The following BCKDHB variants were observed in gnomAD, a reference collection of about 807,000 sequenced individuals.
BCKDHB encodes branched chain keto acid dehydrogenase E1 subunit beta.
A neutral mutation model predicts 48.5 loss-of-function variants in BCKDHB; 41 were observed. The observed-to-expected ratio is 0.85, with a 90% CI of 0.66 to 1.10. BCKDHB has a LOEUF of 1.10. Ranked by LOEUF, BCKDHB falls within the 50% of genes least tolerant of loss-of-function variation. The probability of loss-of-function intolerance (pLI) is 0.00; values close to 1 mark genes in which losing one functional copy is unlikely to be tolerated. For synonymous variants in BCKDHB, 201 were observed against 174.8 expected, an observed-to-expected ratio of 1.15 and a Z score of -1.18; for missense variants, 496 against 494.2, an observed-to-expected ratio of 1.00 and a Z score of -0.03.
chr6:80,287,212 A>G (rs188815748), intron 9 of BCKDHB, among the ~76,000 whole-genome samples: 112 of 152,328 alleles, frequency 7.4e-4, no homozygotes, highest in African/African-American at 2.6e-3. Context: ...AATGATGACC[A>G]TATACTTTGT....
At chr6:80,255,980 A>C (rs1420210920) in intron 8 of BCKDHB, among the ~76,000 whole-genome samples, 3 of 152,172 alleles carry the variant, frequency 2.0e-5, no homozygotes, top group African/African-American at 7.2e-5. Context: ...TTGTGCCCTG[A>C]GGCTATTTAC....
At chr6:80,162,593 G>A (rs1415441853) in intron 3 of BCKDHB, among the ~76,000 whole-genome samples, 1 of 152,172 alleles carries the variant, frequency 6.6e-6, no homozygotes, top group Admixed American at 6.5e-5. Flanking sequence ...GCTCACGCCT[G>A]TAATCCCAGC....
intron 8 of BCKDHB, among the ~76,000 whole-genome samples, chr6:80,265,484 A>G (rs1777474771): frequency 1.3e-5 from 2 of 152,128 alleles, no homozygotes; most frequent in African/African-American, 4.8e-5. Context: ...CATTTATATA[A>G]GGTTCCTAAA....
At chr6:80,188,937 T>A (rs1773771333) in intron 6 of BCKDHB, among the ~76,000 whole-genome samples, 1 of 152,184 alleles carries the variant, frequency 6.6e-6, no homozygotes, top group Admixed American at 6.5e-5. Context: ...GCCACTGTGG[T>A]ACATTTTTAG....
the BCKDHB span, among the ~76,000 whole-genome samples, chr6:80,418,616 C>G: frequency 2.6e-5 from 4 of 152,312 alleles, no homozygotes; most frequent in Non-Finnish European, 4.4e-5. Context: ...TGTATTGGGC[C>G]CTGCCTTTCT....
chr6:80,180,711 A>G (rs533871324), intron 6 of BCKDHB, among the ~76,000 whole-genome samples: 1 of 152,334 alleles, frequency 6.6e-6, no homozygotes, highest in South Asian at 2.1e-4. Context: ...TATATTTTGA[A>G]GAGACGAACA....
the BCKDHB span, among the ~76,000 whole-genome samples, chr6:80,437,908 A>G: frequency 6.6e-6 from 1 of 152,222 alleles, no homozygotes; most frequent in Non-Finnish European, 1.5e-5. Context: ...GTACGTTCCA[A>G]TCTATGCTGC....
the BCKDHB span, among the ~76,000 whole-genome samples, chr6:80,406,865 A>T: frequency 2.0e-4 from 31 of 152,114 alleles, no homozygotes; most frequent in South Asian, 5.8e-3. Flanking sequence ...GTTTAATTAG[A>T]TCCCATTTGT....
At chr6:80,324,520 G>A (rs1768929759) in intron 9 of BCKDHB, among the ~76,000 whole-genome samples, 1 of 147,288 alleles carries the variant, frequency 6.8e-6, no homozygotes, top group African/African-American at 2.6e-5. Flanking sequence ...CAACATACCT[G>A]AGAAAGAACA....
the BCKDHB span, among the ~76,000 whole-genome samples, chr6:80,404,224 T>C: frequency 5.9e-5 from 9 of 151,978 alleles, no homozygotes; most frequent in Admixed American, 5.9e-4. Context: ...CAAAGGGAAT[T>C]TTTTTTAAAA....
the BCKDHB span, among the ~76,000 whole-genome samples, chr6:80,364,119 TTTC>T: frequency 1.3e-5 from 2 of 152,376 alleles, no homozygotes; most frequent in East Asian, 1.9e-4. Flanking sequence ...CCTGCCTGTT[TTTC>T]TTCTTTTTAA....
chr6:80,173,347 A>G (rs529861193), intron 6 of BCKDHB, among the ~76,000 whole-genome samples: 6 of 152,098 alleles, frequency 3.9e-5, no homozygotes, highest in East Asian at 1.9e-4. Context: ...CAGGGGCTCA[A>G]TAGAGGTCAC....
chr6:80,275,789 GC>G (rs1777946958), intron 9 of BCKDHB, among the ~76,000 whole-genome samples: 1 of 151,758 alleles, frequency 6.6e-6, no homozygotes, highest in African/African-American at 2.4e-5. Flanking sequence ...CCTGTATTGA[GC>G]TTCCTCTCTA....
chr6:80,155,915 G>A (rs999726579), intron 3 of BCKDHB, among the ~76,000 whole-genome samples: 18 of 148,252 alleles, frequency 1.2e-4, no homozygotes, highest in African/African-American at 4.2e-4. Flanking sequence ...TTGGTGGGAT[G>A]CGTGAGAGAT....
the BCKDHB span, among the ~76,000 whole-genome samples, chr6:80,460,334 A>T: frequency 0.015 from 2,287 of 152,284 alleles, 59 homozygotes; most frequent in African/African-American, 0.052. Context: ...TTTCTTAATT[A>T]TAAATGGATA....
At chr6:80,310,469 A>T (rs932285345) in intron 9 of BCKDHB, among the ~76,000 whole-genome samples, 2 of 152,190 alleles carry the variant, frequency 1.3e-5, no homozygotes, top group Non-Finnish European at 2.9e-5. Context: ...TCCATGGTTT[A>T]TATGTACCAC....
intron 8 of BCKDHB, among the ~76,000 whole-genome samples, chr6:80,212,440 C>G (rs1306206815): frequency 6.6e-6 from 1 of 152,166 alleles, no homozygotes; most frequent in Non-Finnish European, 1.5e-5. Context: ...AAATGTGGCT[C>G]TTTTTGCCCG....
At chr6:80,385,732 G>T in the BCKDHB span, among the ~76,000 whole-genome samples, 1 of 152,178 alleles carries the variant, frequency 6.6e-6, no homozygotes, top group Non-Finnish European at 1.5e-5. Context: ...CTAGAAGTGA[G>T]GTTGATAGTG....
intron 1 of BCKDHB, among the ~76,000 whole-genome samples, chr6:80,108,309 T>A (rs1769232954): frequency 7.5e-6 from 1 of 134,210 alleles, no homozygotes; most frequent in Non-Finnish European, 1.6e-5. Context: ...ATAGTAGGTG[T>A]TTTTTTTTTT....
Sources: gnomAD v4.1 joint callset for allele counts (sites outside exome capture counted in the v4.1 genomes callset) on GRCh38, gnomAD v4.1.1 for gene constraint, MANE v1.5 for transcripts, NCBI Gene and HGNC (gene_info 2026-07-23, HGNC 2026-07-21) for gene names.